Variants in KCNQ5 observed in about 807,000 individuals in gnomAD.
The protein encoded by KCNQ5 is potassium voltage-gated channel subfamily KQT member 5.
Under a neutral mutation model 98.2 loss-of-function variants are expected in KCNQ5, and 30 were observed. The observed-to-expected ratio is 0.31, with a 90% CI of 0.23 to 0.41. The LOEUF (loss-of-function observed/expected upper bound fraction) is 0.41, where lower values mean the gene tolerates loss of function less well. Ranked by LOEUF, KCNQ5 falls within the 10% of genes least tolerant of loss-of-function variation. The pLI, the probability that KCNQ5 is intolerant of heterozygous loss-of-function variation, is 1.00. For synonymous variants in KCNQ5, 458 were observed against 449.4 expected (o/e 1.02, Z -0.24); for missense variants, 835 against 1,182.5 (o/e 0.71, Z 4.31).
At chr6:73,142,777 G>A (rs1308690803) in intron 10 of KCNQ5, among the ~76,000 whole-genome samples, 15 of 152,152 alleles carry the variant, frequency 9.9e-5, no homozygotes, top group East Asian at 3.9e-4. Flanking sequence ...TTAGCCAGGC[G>A]TGGTGGCGGG....
At chr6:73,123,196 T>G (rs964828621) in intron 8 of KCNQ5, among the ~76,000 whole-genome samples, 6 of 150,712 alleles carry the variant, frequency 4.0e-5, no homozygotes, top group Non-Finnish European at 5.9e-5. Flanking sequence ...ATAGACAATA[T>G]AAATAAATAA....
At chr6:72,908,785 A>G (rs949871591) in intron 1 of KCNQ5, among the ~76,000 whole-genome samples, 3 of 152,302 alleles carry the variant, frequency 2.0e-5, no homozygotes, top group Non-Finnish European at 4.4e-5. Context: ...TTGATATGTG[A>G]TGATATTCAG....
chr6:73,149,834 G>A (rs1777080983), intron 10 of KCNQ5, among the ~76,000 whole-genome samples: 1 of 149,424 alleles, frequency 6.7e-6, no homozygotes, highest in Non-Finnish European at 1.5e-5. Context: ...GAGGGAGGGA[G>A]GAAGGAAGGA....
chr6:73,096,822 C>A (rs952781904), intron 5 of KCNQ5, among the ~76,000 whole-genome samples: 9 of 152,098 alleles, frequency 5.9e-5, no homozygotes, highest in Admixed American at 3.9e-4. Context: ...GCAGGGGGAT[C>A]ATTTGAAGTC....
At position 72,646,058 on chromosome 6, in the gene KCNQ5, A is replaced by G. The variant is rs148709269; in HGVS notation, c.398+23471A>G. 2.6e-3 allele frequency among the ~76,000 whole-genome samples: 389 copies of G among 152,268 alleles called. 1 individual carries two copies. The highest frequency in any genetic ancestry group is 8.8e-3 in the African/African-American group (367 of 41,562). ...AGAAAATGATGTATAAGGCATGCCC[A>G]ATTATAGATGGAATACATTCATATT... is the stretch of plus-strand genomic sequence containing the variant. On this transcript the variant is annotated intron_variant, in intron 1 of 13. Coordinates refer to ENST00000370398, the MANE Select transcript of KCNQ5 (RefSeq NM_019842.4).
chr6:72,818,666 T>A (rs4582344), intron 1 of KCNQ5, among the ~76,000 whole-genome samples: 27,871 of 151,394 alleles, frequency 0.18, 2,990 homozygotes, highest in South Asian at 0.37. Flanking sequence ...ACCCTTGTGT[T>A]AACAATTATT....
chr6:73,045,928 A>T (rs1161518063), intron 3 of KCNQ5, among the ~76,000 whole-genome samples: 1 of 152,148 alleles, frequency 6.6e-6, no homozygotes, highest in Non-Finnish European at 1.5e-5. Context: ...TTGATTTCTT[A>T]TTGTTATTTT....
At chr6:72,637,202 T>C (rs2154471839) in intron 1 of KCNQ5, among the ~76,000 whole-genome samples, 1 of 152,282 alleles carries the variant, frequency 6.6e-6, no homozygotes, top group South Asian at 2.1e-4. Context: ...TTGGAGATGT[T>C]ATTTTTTTCT....
At chr6:72,887,540 T>G (rs1778892402) in intron 1 of KCNQ5, among the ~76,000 whole-genome samples, 1 of 152,148 alleles carries the variant, frequency 6.6e-6, no homozygotes, top group African/African-American at 2.4e-5. Context: ...TCTAAACAAA[T>G]GTTGACTACA....
At chr6:72,768,506 T>C (rs1488314733) in intron 1 of KCNQ5, among the ~76,000 whole-genome samples, 1 of 152,064 alleles carries the variant, frequency 6.6e-6, no homozygotes, top group East Asian at 1.9e-4. Flanking sequence ...TTGATGTGAC[T>C]GTTTTAGTAT....
chr6:72,862,354 A>G (rs1777800360), intron 1 of KCNQ5, among the ~76,000 whole-genome samples: 1 of 152,206 alleles, frequency 6.6e-6, no homozygotes. Context: ...TCAATCTGCC[A>G]AAGATACACT....
Position 72,864,360 on chromosome 6 carries a change from G to A in KCNQ5, c.399-139548G>A, listed in dbSNP as rs147727896. On this transcript the variant is annotated intron_variant, in intron 1 of 13. Transcript: ENST00000370398. ...GAGTTTACAAAAACTAAATTACTAA[G>A]TACTGTCCTAGCAGCCTTCCTAACT... is the stretch of plus-strand genomic sequence containing the variant. 6.8e-4 allele frequency among the ~76,000 whole-genome samples: 103 copies of A among 152,188 alleles called. 1 individual carries two copies. In the Middle Eastern group the frequency reaches 0.017, roughly 25 times the overall value.
intron 1 of KCNQ5, among the ~76,000 whole-genome samples, chr6:72,712,744 C>T (rs1168687572): frequency 6.6e-6 from 1 of 152,112 alleles, no homozygotes; most frequent in East Asian, 1.9e-4. Flanking sequence ...TGCTTTACTA[C>T]CTCCTCCTGT....
intron 1 of KCNQ5, among the ~76,000 whole-genome samples, chr6:72,852,640 A>AATAAATAAATAAATATATATATATAT (rs1026407821): frequency 3.5e-5 from 2 of 56,802 alleles, no homozygotes; most frequent in Admixed American, 1.7e-4. Context: ...ATGAAGGGGA[A>AATAAATAAATAAATATATATATATAT]ATATATATAT....
At chr6:73,190,126 G>A (rs892737712) in intron 11 of KCNQ5, among the ~76,000 whole-genome samples, 2 of 151,864 alleles carry the variant, frequency 1.3e-5, no homozygotes, top group Non-Finnish European at 2.9e-5. Flanking sequence ...TTTCTCTAGA[G>A]AGAATAGAGT....
intron 1 of KCNQ5, chr6:72,987,402 A>G (rs982852052): frequency 2.8e-6 from 2 of 711,144 alleles, no homozygotes; most frequent in Non-Finnish European, 5.3e-6. Flanking sequence ...TTGTGAAACC[A>G]GGAAGTGGAC....
At chr6:72,981,313 T>G (rs1768434976) in intron 1 of KCNQ5, among the ~76,000 whole-genome samples, 1 of 152,206 alleles carries the variant, frequency 6.6e-6, no homozygotes, top group African/African-American at 2.4e-5. Flanking sequence ...TGGTAGGCTA[T>G]TAATTATTGC....
At chr6:73,041,837 T>A (rs1303302035) in intron 2 of KCNQ5, 99 bp from the exon 3 acceptor site, 9 of 1,344,058 alleles carry the variant, frequency 6.7e-6, no homozygotes, top group Non-Finnish European at 9.5e-6. Context: ...ACTAGATCCT[T>A]TAGACAAAGT....
chr6:72,694,560 C>G (rs1424161333), intron 1 of KCNQ5, among the ~76,000 whole-genome samples: 7 of 152,088 alleles, frequency 4.6e-5, no homozygotes, highest in Non-Finnish European at 8.8e-5. Flanking sequence ...CAATGAAGCT[C>G]ACTGAGCCAG....
Sources: gnomAD v4.1 joint callset for allele counts (sites outside exome capture counted in the v4.1 genomes callset) on GRCh38, gnomAD v4.1.1 for gene constraint, MANE v1.5 for transcripts, NCBI Gene and HGNC (gene_info 2026-07-23, HGNC 2026-07-21) for gene names.